The following FOXN3 variants were observed in gnomAD, a reference collection of about 807,000 sequenced individuals.
FOXN3 encodes the protein forkhead box N3, also known as forkhead box protein N3.
Under a neutral mutation model 38.4 loss-of-function variants are expected in FOXN3, and 7 were observed. That is an observed-to-expected ratio of 0.18 (90% CI 0.10 to 0.34). The LOEUF is 0.34. Among genes scored for constraint, FOXN3 ranks in the 10% least tolerant of loss-of-function variants. The pLI is 1.00. For missense variants in FOXN3, 456 were observed against 613.4 expected (o/e 0.74, Z 2.71); for synonymous variants, 230 against 242.2 (o/e 0.95, Z 0.47).
chr14:89,453,323 G>A lies in FOXN3; in HGVS notation c.-14-40833C>T, dbSNP rs187994883. On this transcript the variant is annotated intron_variant, in intron 1 of 6. Coordinates refer to the FOXN3 transcript ENST00000345097. ...TGTAATCCCAGCACTTTGGGAGGCCGAGGCGGGCAGGTCATGAGGTCAGGA... is the reference window on the plus strand; with the variant it reads ...TGTAATCCCAGCACTTTGGGAGGCCAAGGCGGGCAGGTCATGAGGTCAGGA... Among the ~76,000 whole-genome samples the A allele has an allele frequency of 2.0e-3, 305 of 152,130 alleles. 2 individuals are homozygous for A. Among genetic ancestry groups the A allele is most frequent in the Non-Finnish European group, 3.7e-3 (252 of 68,008 alleles).
chr14:89,445,096 T>C (rs1892466111), intron 1 of FOXN3, among the ~76,000 whole-genome samples: 1 of 151,504 alleles, frequency 6.6e-6, no homozygotes, highest in Admixed American at 6.6e-5. Context: ...CACTCCTGAC[T>C]ACCTAGGCGA....
chr14:89,543,976 G>T (rs559893639), intron 1 of FOXN3, among the ~76,000 whole-genome samples: 48 of 152,212 alleles, frequency 3.2e-4, no homozygotes, highest in African/African-American at 1.1e-3. Context: ...TCGATGTAAT[G>T]GATTCTGGTG....
chr14:89,207,234 TAAAGCAAAACAAAAC>T lies in FOXN3; in HGVS notation c.746-26443_746-26429del, dbSNP rs1888409362. ...AAACTCTATCTCAAACAAAACAAAA[TAAAGCAAAACAAAAC>T]AAAACAACACAACTCCTCCAGCTTA... On this transcript the variant is annotated intron_variant, in intron 4 of 5. Transcript: ENST00000557258. 2.0e-5 allele frequency among the ~76,000 whole-genome samples: 3 copies of T among 151,170 alleles called. No individual in the cohort carries two copies. The South Asian group carries it at 6.3e-4, about 32-fold the overall frequency.
intron 4 of FOXN3, among the ~76,000 whole-genome samples, chr14:89,265,671 T>G (rs1173491592): frequency 6.6e-6 from 1 of 151,316 alleles, no homozygotes; most frequent in Non-Finnish European, 1.5e-5. Flanking sequence ...AAACAAATCA[T>G]AGACCCCAAA....
chr14:89,190,552 A>G (rs146800123), intron 4 of FOXN3: 8 of 857,700 alleles, frequency 9.3e-6, no homozygotes, highest in Non-Finnish European at 1.4e-5. Flanking sequence ...CAGAGAAAAA[A>G]AAAATATCCA....
At chr14:89,465,122 T>C (rs1382061298) in intron 1 of FOXN3, among the ~76,000 whole-genome samples, 1 of 152,234 alleles carries the variant, frequency 6.6e-6, no homozygotes, top group Non-Finnish European at 1.5e-5. Context: ...CTTCCCCTTC[T>C]GCCATGATTG....
At chr14:89,539,189 C>T (rs1017626927) in intron 1 of FOXN3, among the ~76,000 whole-genome samples, 8 of 152,108 alleles carry the variant, frequency 5.3e-5, no homozygotes, top group African/African-American at 1.9e-4. Flanking sequence ...ATACCAAATT[C>T]TTCACTTGTC....
intron 5 of FOXN3, among the ~76,000 whole-genome samples, chr14:89,179,665 A>G (rs1887612949): frequency 6.6e-6 from 1 of 152,178 alleles, no homozygotes; most frequent in African/African-American, 2.4e-5. Flanking sequence ...AGAAACTGCT[A>G]CCATACAGGG....
chr14:89,243,242 T>A lies in FOXN3; in HGVS notation c.745+37708A>T, dbSNP rs1885192732. 2.0e-5 allele frequency among the ~76,000 whole-genome samples: 3 copies of A among 152,300 alleles called. No individual in the cohort carries two copies. The South Asian group carries it at 6.2e-4, about 32-fold the overall frequency. Reference sequence around the variant, plus strand: ...AAAAAAGCAAAGCCTACTTGCCAGATCAAAATATTTCATGACCCAGAGCAA... The same window carrying A: ...AAAAAAGCAAAGCCTACTTGCCAGAACAAAATATTTCATGACCCAGAGCAA... On this transcript the variant is annotated intron_variant, in intron 4 of 5. Transcript: ENST00000557258.
chr14:89,369,458 G>T (rs909633288), intron 2 of FOXN3, among the ~76,000 whole-genome samples: 1 of 152,082 alleles, frequency 6.6e-6, no homozygotes. Context: ...ATCTAGAAGA[G>T]AGATAGTATA....
chr14:89,288,052 C>G (rs1011391470), intron 3 of FOXN3, among the ~76,000 whole-genome samples: 1 of 45,912 alleles, frequency 2.2e-5, no homozygotes, highest in Non-Finnish European at 4.7e-5. Flanking sequence ...CAGAGCAAGA[C>G]CCTGTCTCAA....
At chr14:89,353,146 G>C (rs1889047544) in intron 2 of FOXN3, among the ~76,000 whole-genome samples, 1 of 152,196 alleles carries the variant, frequency 6.6e-6, no homozygotes, top group Non-Finnish European at 1.5e-5. Flanking sequence ...CGTTTCCTGA[G>C]TGGCCCTGCA....
At chr14:89,259,581 TA>T (rs1242408317) in intron 4 of FOXN3, among the ~76,000 whole-genome samples, 50 of 152,222 alleles carry the variant, frequency 3.3e-4, no homozygotes, top group Non-Finnish European at 6.2e-4. Flanking sequence ...AGATAAAAAA[TA>T]AAACCTCTAG....
In FOXN3 at chr14:89,476,952, C is replaced by T. The variant is rs140230404; in HGVS notation, c.-14-64462G>A. Among the ~76,000 whole-genome samples, 180 of 152,202 alleles carry T rather than the reference C, an allele frequency of 1.2e-3. 4 individuals are homozygous for T. In the East Asian group the frequency reaches 0.031, roughly 26 times the overall value. ...CAAGAATGACACCCAGGAGAAGGGG[C>T]AAGAGAACCCCAGGCAAGGAGGCTC... On this transcript the variant is annotated intron_variant, in intron 1 of 6. Coordinates refer to the FOXN3 transcript ENST00000345097.
At chr14:89,473,737 T>C (rs1344290996) in intron 1 of FOXN3, among the ~76,000 whole-genome samples, 1 of 152,198 alleles carries the variant, frequency 6.6e-6, no homozygotes, top group African/African-American at 2.4e-5. Context: ...CAAATGAGAA[T>C]TATTTTATTT....
chr14:89,274,217 G>A (rs1272672000), intron 4 of FOXN3, among the ~76,000 whole-genome samples: 1 of 152,188 alleles, frequency 6.6e-6, no homozygotes, highest in Non-Finnish European at 1.5e-5. Flanking sequence ...ACCAGAGGCT[G>A]TGGCCAGACA....
At chr14:89,272,303 A>C (rs1886173127) in intron 4 of FOXN3, among the ~76,000 whole-genome samples, 1 of 151,986 alleles carries the variant, frequency 6.6e-6, no homozygotes, top group Non-Finnish European at 1.5e-5. Flanking sequence ...ACAGAGCGAA[A>C]CTCTGTTTCA....
At chr14:89,474,862 C>G (rs1175589995) in intron 1 of FOXN3, among the ~76,000 whole-genome samples, 1 of 152,126 alleles carries the variant, frequency 6.6e-6, no homozygotes, top group Non-Finnish European at 1.5e-5. Context: ...ATCACCCAGG[C>G]TGGAGTGCAG....
intron 1 of FOXN3, among the ~76,000 whole-genome samples, chr14:89,586,766 C>T (rs1895851989): frequency 6.6e-6 from 1 of 152,216 alleles, no homozygotes; most frequent in Non-Finnish European, 1.5e-5. Flanking sequence ...CACTAGTGTG[C>T]CTCTACTACT....
Sources: gnomAD v4.1 joint callset for allele counts (sites outside exome capture counted in the v4.1 genomes callset) on GRCh38, gnomAD v4.1.1 for gene constraint, MANE v1.5 for transcripts, NCBI Gene and HGNC (gene_info 2026-07-23, HGNC 2026-07-21) for gene names.